Variants in SCHIP1 observed in about 807,000 individuals in gnomAD.
SCHIP1 encodes the protein schwannomin-interacting protein 1.
In SCHIP1, 8 loss-of-function variants were observed where a neutral mutation model predicts 29.7. The ratio of observed to expected loss-of-function variants is 0.27; its 90% CI spans 0.16 to 0.49. The LOEUF is 0.49. SCHIP1 is among the 20% of genes least tolerant of loss of function. The pLI is 0.99. For missense variants in SCHIP1, 193 were observed against 294.6 expected (o/e 0.66, Z 2.52); for synonymous variants, 76 against 94.9 (o/e 0.80, Z 1.16).
the SCHIP1 span, among the ~76,000 whole-genome samples, chr3:159,688,071 G>A: frequency 1.3e-5 from 2 of 152,202 alleles, no homozygotes; most frequent in African/African-American, 2.4e-5. Flanking sequence ...ATGTGTGTAC[G>A]TGTCTTTATA....
the SCHIP1 span, among the ~76,000 whole-genome samples, chr3:159,633,430 A>C: frequency 1.3e-5 from 2 of 152,144 alleles, no homozygotes; most frequent in Non-Finnish European, 2.9e-5. Flanking sequence ...GAGAGAGAGA[A>C]AGGGCCCCAC....
At chr3:159,286,554 G>C in the SCHIP1 span, among the ~76,000 whole-genome samples, 1 of 152,066 alleles carries the variant, frequency 6.6e-6, no homozygotes, top group African/African-American at 2.4e-5. Context: ...GTGTCTTTAT[G>C]GCAGAATGAT....
At chr3:159,856,723 C>G (rs1029422450) in intron 1 of SCHIP1, among the ~76,000 whole-genome samples, 2 of 152,072 alleles carry the variant, frequency 1.3e-5, no homozygotes, top group Non-Finnish European at 2.9e-5. Flanking sequence ...TGTTGTGCAT[C>G]CAATTATGGT....
the SCHIP1 span, among the ~76,000 whole-genome samples, chr3:159,809,660 CAAAAA>C: frequency 1.0e-5 from 1 of 98,544 alleles, no homozygotes; most frequent in Non-Finnish European, 2.0e-5. Context: ...AACTCCATCT[CAAAAA>C]AAAAAAAAAA....
At chr3:159,715,334 G>A in the SCHIP1 span, among the ~76,000 whole-genome samples, 503 of 152,302 alleles carry the variant, frequency 3.3e-3, 5 homozygotes, top group African/African-American at 0.011. Context: ...AAATCGGAGC[G>A]CCTCTAATCC....
the SCHIP1 span, among the ~76,000 whole-genome samples, chr3:159,727,841 A>G: frequency 6.6e-6 from 1 of 152,054 alleles, no homozygotes; most frequent in African/African-American, 2.4e-5. Context: ...AGGCTGCCTC[A>G]TGCACTGGTC....
chr3:159,742,671 T>C, the SCHIP1 span, among the ~76,000 whole-genome samples: 1 of 150,968 alleles, frequency 6.6e-6, no homozygotes, highest in African/African-American at 2.5e-5. Flanking sequence ...TTTTTTTTCT[T>C]TTTCTTTTTT....
chr3:159,865,865 G>A (rs1714566864), intron 1 of SCHIP1, among the ~76,000 whole-genome samples: 1 of 152,186 alleles, frequency 6.6e-6, no homozygotes, highest in African/African-American at 2.4e-5. Flanking sequence ...TACCTAGCAG[G>A]TAAGAAGAAG....
the SCHIP1 span, among the ~76,000 whole-genome samples, chr3:159,599,708 C>T: frequency 6.6e-6 from 1 of 152,184 alleles, no homozygotes; most frequent in Non-Finnish European, 1.5e-5. Flanking sequence ...TATCAACATG[C>T]ATATGTAAGT....
At chr3:159,389,011 G>T in the SCHIP1 span, among the ~76,000 whole-genome samples, 5 of 151,996 alleles carry the variant, frequency 3.3e-5, no homozygotes, top group Middle Eastern at 3.4e-3. Context: ...TACAATCCTG[G>T]ACCCAAGAAG....
chr3:159,478,882 T>C, the SCHIP1 span, among the ~76,000 whole-genome samples: 2 of 152,146 alleles, frequency 1.3e-5, no homozygotes, highest in African/African-American at 4.8e-5. Flanking sequence ...TATATAGAAA[T>C]GCTACTGAGT....
At chr3:159,283,702 A>T in the SCHIP1 span, among the ~76,000 whole-genome samples, 4 of 152,128 alleles carry the variant, frequency 2.6e-5, no homozygotes, top group Non-Finnish European at 5.9e-5. Flanking sequence ...ATTTATTAAA[A>T]TCTCTTAATA....
chr3:159,285,888 TTCTCCCCTA>T, the SCHIP1 span, among the ~76,000 whole-genome samples: 4 of 152,124 alleles, frequency 2.6e-5, no homozygotes, highest in African/African-American at 9.7e-5. Flanking sequence ...TCTCTTTAGT[TTCTCCCCTA>T]TCTCATTATT....
the SCHIP1 span, among the ~76,000 whole-genome samples, chr3:159,738,081 G>A: frequency 1.3e-5 from 2 of 152,238 alleles, no homozygotes; most frequent in Admixed American, 6.5e-5. Flanking sequence ...GCCTATATTT[G>A]AGAAGGTGTA....
At chr3:159,479,087 G>A in the SCHIP1 span, among the ~76,000 whole-genome samples, 13 of 151,958 alleles carry the variant, frequency 8.6e-5, no homozygotes, top group South Asian at 2.7e-3. Flanking sequence ...TATTTACAAA[G>A]GTTTAAAAAG....
the SCHIP1 span, among the ~76,000 whole-genome samples, chr3:159,324,229 G>T: frequency 1.4e-5 from 2 of 140,780 alleles, no homozygotes; most frequent in African/African-American, 5.0e-5. Flanking sequence ...ATTTAATATG[G>T]TATATACTTA....
At chr3:159,615,001 G>A in the SCHIP1 span, among the ~76,000 whole-genome samples, 6 of 152,224 alleles carry the variant, frequency 3.9e-5, no homozygotes, top group Admixed American at 2.0e-4. Flanking sequence ...AGTAGGTTCA[G>A]TGAGGATGTG....
the SCHIP1 span, among the ~76,000 whole-genome samples, chr3:159,486,842 A>G: frequency 1.3e-5 from 2 of 152,204 alleles, no homozygotes; most frequent in Non-Finnish European, 2.9e-5. Context: ...AACACATTCC[A>G]TATCTCACAG....
chr3:159,705,243 C>T, the SCHIP1 span, among the ~76,000 whole-genome samples: 5 of 152,008 alleles, frequency 3.3e-5, no homozygotes, highest in South Asian at 2.1e-4. Flanking sequence ...GGATTACAGG[C>T]GTGAACCACG....
Sources: allele counts gnomAD v4.1 joint callset (sites outside exome capture counted in the v4.1 genomes callset), GRCh38; gene constraint gnomAD v4.1.1; transcripts MANE v1.5; gene names NCBI Gene and HGNC (gene_info 2026-07-23, HGNC 2026-07-21).